The following TP63 variants were observed in gnomAD, a reference collection of about 807,000 sequenced individuals.
TP63 encodes tumor protein p63, also known as tumor protein 63.
A neutral mutation model predicts 82.8 loss-of-function variants in TP63; 17 were observed. That is an observed-to-expected ratio of 0.21 (90% CI 0.14 to 0.31). TP63 has a LOEUF of 0.31. Ranked by LOEUF, TP63 falls within the 10% of genes least tolerant of loss-of-function variation. The pLI, the probability that TP63 is intolerant of heterozygous loss-of-function variation, is 1.00. For missense variants in TP63, 648 were observed against 895.3 expected (o/e 0.72, Z 3.52); for synonymous variants, 330 against 321.7 (o/e 1.03, Z -0.28).
the TP63 span, among the ~76,000 whole-genome samples, chr3:189,617,572 A>G: frequency 1.3e-5 from 2 of 152,198 alleles, no homozygotes; most frequent in Admixed American, 1.3e-4. Context: ...TAGGGGTCAT[A>G]TTGAGTCAAT....
intron 5 of TP63, among the ~76,000 whole-genome samples, 164 bp downstream of exon 5, chr3:189,864,582 GAAT>G (rs1717466508): frequency 8.9e-6 from 1 of 112,806 alleles, no homozygotes; most frequent in African/African-American, 3.5e-5. Context: ...CAGTATCTAA[GAAT>G]AATGATAAAT....
At chr3:189,675,424 A>T (rs746034905) in intron 1 of TP63, among the ~76,000 whole-genome samples, 1 of 152,188 alleles carries the variant, frequency 6.6e-6, no homozygotes, top group Non-Finnish European at 1.5e-5. Flanking sequence ...TTATAAAAAT[A>T]TAAGGAGGTC....
At chr3:189,847,378 C>A (rs34799513) in intron 4 of TP63, among the ~76,000 whole-genome samples, 35,587 of 151,932 alleles carry the variant, frequency 0.23, 4,357 homozygotes, top group South Asian at 0.34. Context: ...AAATAATCAT[C>A]ATCATCATCA....
At chr3:189,765,433 CTTTTTTTT>C (rs576530590) in intron 3 of TP63, among the ~76,000 whole-genome samples, 11 of 30,088 alleles carry the variant, frequency 3.7e-4, no homozygotes, top group Non-Finnish European at 5.3e-4. Context: ...CTGTCCTCTG[CTTTTTTTT>C]TTTTTTTTTT....
At chr3:189,629,519 A>G (rs762750792), upstream of TP63, among the ~76,000 whole-genome samples, 1 of 152,212 alleles carries the variant, frequency 6.6e-6, no homozygotes, top group Non-Finnish European at 1.5e-5. Context: ...AATATTTAGA[A>G]GAGTTCTTCC....
At chr3:189,853,694 C>T (rs527825394) in intron 4 of TP63, among the ~76,000 whole-genome samples, 1 of 152,314 alleles carries the variant, frequency 6.6e-6, no homozygotes, top group Non-Finnish European at 1.5e-5. Context: ...GCACTTATCA[C>T]TATCTGACAT....
chr3:189,609,989 C>G, the TP63 span, among the ~76,000 whole-genome samples: 93 of 152,304 alleles, frequency 6.1e-4, no homozygotes, highest in African/African-American at 2.1e-3. Context: ...CTAATTTACA[C>G]TCCCACCAAC....
In TP63 at chr3:189,738,753, G is replaced by A. The variant is rs186864205; in HGVS notation, c.303G>A (p.Ser101=). ...TGGACTGTATCCGCATGCAGGACTC[G>A]GACCTGAGTGACCCCATGTGGGTGA... The part of the protein sequence containing the change: ...ISMDCIRMQD[S]DLSDPMWPQY... The change falls in exon 3 of 14, where the codon TCG becomes TCA. Residue 101 remains serine, a synonymous_variant. Transcript: ENST00000264731. The A allele has an allele frequency of 8.7e-5, 141 of 1,614,076 alleles. 1 individual carries two copies. In the East Asian group the frequency reaches 9.1e-4, roughly 10 times the overall value.
intron 4 of TP63, among the ~76,000 whole-genome samples, chr3:189,854,453 A>G (rs1198520452): frequency 6.6e-6 from 1 of 152,118 alleles, no homozygotes; most frequent in Admixed American, 6.5e-5. Flanking sequence ...GGCTGGTCTC[A>G]AACTCCTAAC....
In TP63 at chr3:189,889,168, G is replaced by A. The variant is rs1004226390; in HGVS notation, c.1508-172G>A. Reference sequence around the variant, plus strand: ...TGCCTAATTAGTTTGGAGTCTGACCGTTCTGTTTGACTAGATGTAGGCTGT... The same window carrying A: ...TGCCTAATTAGTTTGGAGTCTGACCATTCTGTTTGACTAGATGTAGGCTGT... On this transcript the variant is annotated intron_variant, in intron 11 of 13. Coordinates refer to ENST00000264731, the MANE Select transcript of TP63 (RefSeq NM_003722.5). 3.3e-5 allele frequency among the ~76,000 whole-genome samples: 5 copies of A among 152,334 alleles called. No homozygotes were observed. In the East Asian group the frequency reaches 5.8e-4, roughly 18 times the overall value.
At chr3:189,841,924 G>T (rs940590962) in intron 4 of TP63, among the ~76,000 whole-genome samples, 4 of 152,172 alleles carry the variant, frequency 2.6e-5, no homozygotes, top group African/African-American at 9.7e-5. Flanking sequence ...CATATCTCAG[G>T]CAGGACGCTG....
At chr3:189,673,833 G>C (rs1269933726) in intron 1 of TP63, among the ~76,000 whole-genome samples, 1 of 152,016 alleles carries the variant, frequency 6.6e-6, no homozygotes, top group Non-Finnish European at 1.5e-5. Context: ...TCATTTTCTG[G>C]ATAGGTCATT....
intron 1 of TP63, among the ~76,000 whole-genome samples, chr3:189,730,772 C>T (rs899226767): frequency 2.0e-5 from 3 of 152,166 alleles, no homozygotes; most frequent in Non-Finnish European, 4.4e-5. Context: ...TTCTCTCTTA[C>T]AACTGCTGAC....
intron 4 of TP63, among the ~76,000 whole-genome samples, chr3:189,834,463 TAC>T (rs1345008884): frequency 6.6e-6 from 1 of 152,210 alleles, no homozygotes; most frequent in Non-Finnish European, 1.5e-5. Context: ...TTGCACCATT[TAC>T]AGTTATGGAC....
In TP63 at chr3:189,890,853, A is replaced by G. The variant is rs143884625; in HGVS notation, c.1717A>G (p.Ile573Val). The change falls in exon 13 of 14, where the codon ATC (isoleucine) becomes GTC (valine). Residue 573 changes from isoleucine to valine, a missense_variant. Around this residue, in one of 5 missense-constraint regions of TP63, gnomAD observed 342 missense variants for 425.7 expected, o/e 0.80. Transcript: ENST00000264731. ...DYFTTQGLTT[I>V]YQIEHYSMDD... ...TTTCACGACCCAGGGGCTGACCACC[A>G]TCTATCAGATTGAGCATTACTCCAT... The G allele has an allele frequency of 2.3e-5, 37 of 1,613,950 alleles. No homozygotes were observed. The highest frequency in any genetic ancestry group is 1.6e-4 in the Middle Eastern group (1 of 6,082).
At chr3:189,780,293 C>T (rs1304542595) in intron 3 of TP63, among the ~76,000 whole-genome samples, 3 of 152,146 alleles carry the variant, frequency 2.0e-5, no homozygotes, top group East Asian at 3.9e-4. Flanking sequence ...TCCTTAAGCT[C>T]TTATTACCCA....
chr3:189,712,136 C>T (rs868321496), intron 1 of TP63, among the ~76,000 whole-genome samples: 7 of 152,074 alleles, frequency 4.6e-5, no homozygotes, highest in South Asian at 2.1e-4. Flanking sequence ...CAATAGGCAC[C>T]GTGGTAGACA....
intron 1 of TP63, among the ~76,000 whole-genome samples, chr3:189,634,355 A>G (rs1729639516): frequency 6.6e-6 from 1 of 152,048 alleles, no homozygotes; most frequent in Non-Finnish European, 1.5e-5. Context: ...GAATAGAAAA[A>G]AAAATGACAG....
chr3:189,674,916 A>T (rs971343453), intron 1 of TP63, among the ~76,000 whole-genome samples: 2 of 152,072 alleles, frequency 1.3e-5, no homozygotes, highest in Admixed American at 6.6e-5. Context: ...TCACTCTACT[A>T]ATGCTGAGGC....
Sources: gnomAD v4.1 joint callset for allele counts (sites outside exome capture counted in the v4.1 genomes callset) on GRCh38, gnomAD v4.1.1 for gene constraint, gnomAD v4.1.1 regional missense constraint, MANE v1.5 for transcripts, NCBI Gene and HGNC (gene_info 2026-07-23, HGNC 2026-07-21) for gene names.